The following MAGI1 variants were observed in gnomAD, a reference collection of about 807,000 sequenced individuals.
MAGI1 encodes membrane associated guanylate kinase, WW and PDZ domain containing 1, also known as membrane-associated guanylate kinase, WW and PDZ domain-containing protein 1.
In MAGI1, 58 loss-of-function variants were observed where a neutral mutation model predicts 139.9. The ratio of observed to expected loss-of-function variants is 0.41; its 90% CI spans 0.34 to 0.52. MAGI1 has a LOEUF of 0.52. MAGI1 is among the 20% of genes least tolerant of loss of function. The pLI is 0.12. For missense variants in MAGI1, 1,874 were observed against 1,901.6 expected (o/e 0.99, Z 0.27); for synonymous variants, 812 against 737.9 (o/e 1.10, Z -1.63).
chr3:66,034,410 C>A (rs2068802866), intron 1 of MAGI1, among the ~76,000 whole-genome samples: 1 of 152,186 alleles, frequency 6.6e-6, no homozygotes, highest in Non-Finnish European at 1.5e-5. Flanking sequence ...CTTCTAACAT[C>A]TGAGTCCAAT....
intron 2 of MAGI1, among the ~76,000 whole-genome samples, chr3:65,585,186 A>G (rs1309338076): frequency 6.6e-6 from 1 of 152,244 alleles, no homozygotes; most frequent in Non-Finnish European, 1.5e-5. Flanking sequence ...GAGCCAAGAT[A>G]TAAACCCAGA....
At chr3:65,885,574 G>C (rs1434912459) in intron 1 of MAGI1, among the ~76,000 whole-genome samples, 1 of 152,012 alleles carries the variant, frequency 6.6e-6, no homozygotes, top group Non-Finnish European at 1.5e-5. Context: ...CCAGTGGGAG[G>C]TACCTTAATC....
chr3:65,622,159 T>A, intron 1 of MAGI1, 71 bp from the exon 2 acceptor site: 1 of 1,074,264 alleles, frequency 9.3e-7, no homozygotes. Context: ...AGCCAAGAAC[T>A]GATTGCAAGA....
intron 2 of MAGI1, among the ~76,000 whole-genome samples, chr3:65,520,861 C>A (rs1442744254): frequency 1.3e-5 from 2 of 152,192 alleles, no homozygotes; most frequent in East Asian, 3.8e-4. Context: ...GTCATGGGAG[C>A]TAACTCAATA....
intron 3 of MAGI1, among the ~76,000 whole-genome samples, chr3:65,486,197 A>T (rs1205500060): frequency 6.6e-6 from 1 of 152,208 alleles, no homozygotes; most frequent in Non-Finnish European, 1.5e-5. Flanking sequence ...AAACAATAAC[A>T]TTATTGAATG....
At chr3:65,851,969 G>C (rs1191575829) in intron 1 of MAGI1, among the ~76,000 whole-genome samples, 1 of 152,172 alleles carries the variant, frequency 6.6e-6, no homozygotes, top group Non-Finnish European at 1.5e-5. Context: ...AATTTGAGAG[G>C]AATGTGGATA....
At chr3:65,713,411 C>T (rs2031762765) in intron 1 of MAGI1, among the ~76,000 whole-genome samples, 1 of 151,892 alleles carries the variant, frequency 6.6e-6, no homozygotes, top group African/African-American at 2.4e-5. Context: ...CATTGTTTTC[C>T]CCCTATCAAG....
intron 1 of MAGI1, among the ~76,000 whole-genome samples, chr3:65,636,175 G>A (rs755252440): frequency 6.6e-6 from 1 of 151,936 alleles, no homozygotes; most frequent in Non-Finnish European, 1.5e-5. Context: ...ATGTGGTTGT[G>A]TACAAAACAA....
chr3:65,891,076 G>A (rs890352811), intron 1 of MAGI1, among the ~76,000 whole-genome samples: 6 of 152,004 alleles, frequency 3.9e-5, no homozygotes, highest in African/African-American at 1.2e-4. Flanking sequence ...AGCCAGGCAC[G>A]GTGGCATGCA....
At chr3:65,752,978 C>A (rs2107832744) in intron 1 of MAGI1, among the ~76,000 whole-genome samples, 2 of 152,286 alleles carry the variant, frequency 1.3e-5, no homozygotes, top group South Asian at 2.1e-4. Context: ...TGAGCCTGAT[C>A]TCCCTCCTCT....
At chr3:65,614,902 G>C (rs1401586710) in intron 2 of MAGI1, among the ~76,000 whole-genome samples, 1 of 151,974 alleles carries the variant, frequency 6.6e-6, no homozygotes, top group East Asian at 1.9e-4. Context: ...TGTGTCTGTA[G>C]TCCCAGCTAC....
chr3:65,631,264 G>A (rs1157149530), intron 1 of MAGI1, among the ~76,000 whole-genome samples: 2 of 152,170 alleles, frequency 1.3e-5, no homozygotes, highest in Non-Finnish European at 2.9e-5. Flanking sequence ...GTGCTTAACT[G>A]GTAATGAACA....
intron 1 of MAGI1, among the ~76,000 whole-genome samples, chr3:65,804,431 G>C (rs1428117458): frequency 6.6e-6 from 1 of 151,030 alleles, no homozygotes; most frequent in Non-Finnish European, 1.5e-5. Context: ...GATATGAATT[G>C]ATATAAATTA....
At chr3:65,367,144 T>C (rs1941502461) in intron 18 of MAGI1, among the ~76,000 whole-genome samples, 1 of 152,176 alleles carries the variant, frequency 6.6e-6, no homozygotes, top group African/African-American at 2.4e-5. Flanking sequence ...GTTCAGGCCA[T>C]GGGGAAATCA....
chr3:65,405,642 T>A (rs1439401517), intron 12 of MAGI1, among the ~76,000 whole-genome samples: 1 of 152,146 alleles, frequency 6.6e-6, no homozygotes, highest in African/African-American at 2.4e-5. Context: ...TTGCCCAGGC[T>A]GGAGTACAAT....
rs570985292 is a variant in MAGI1 at position 65,385,358 on chromosome 3, T to C, written c.2417-1735A>G. On this transcript the variant is annotated intron_variant, in intron 14 of 22. Transcript: ENST00000402939. ...ATCATTTTTTTAAAGAGAAAAAATA[T>C]ATATTTCAGTTGCAGTGAATCCTAA... 2.6e-5 allele frequency among the ~76,000 whole-genome samples: 4 copies of C among 152,276 alleles called. No individual in the cohort carries two copies. The South Asian group carries it at 6.2e-4, about 24-fold the overall frequency.
At chr3:66,006,198 G>A (rs753747764) in intron 1 of MAGI1, among the ~76,000 whole-genome samples, 2 of 152,186 alleles carry the variant, frequency 1.3e-5, no homozygotes, top group Non-Finnish European at 2.9e-5. Flanking sequence ...ACAGGAACCA[G>A]CAACCAGTAT....
intron 1 of MAGI1, among the ~76,000 whole-genome samples, chr3:65,747,346 G>A (rs573930055): frequency 1.3e-5 from 2 of 152,246 alleles, no homozygotes; most frequent in South Asian, 4.1e-4. Flanking sequence ...CAGGCCTGAA[G>A]GCAGAAGCAG....
intron 2 of MAGI1, among the ~76,000 whole-genome samples, chr3:65,595,417 G>C (rs933022684): frequency 6.6e-6 from 1 of 152,172 alleles, no homozygotes; most frequent in Non-Finnish European, 1.5e-5. Flanking sequence ...CAAGCTTTTA[G>C]AGAATCTAGA....
Sources: allele counts gnomAD v4.1 joint callset (sites outside exome capture counted in the v4.1 genomes callset), GRCh38; gene constraint gnomAD v4.1.1; transcripts MANE v1.5; gene names NCBI Gene and HGNC (gene_info 2026-07-23, HGNC 2026-07-21).